TINAG: variants seen among roughly 807,000 people sequenced by gnomAD.
The protein encoded by TINAG is tubulointerstitial nephritis antigen.
TINAG carries 83 observed loss-of-function variants against 72.7 expected under a neutral mutation model. The ratio of observed to expected loss-of-function variants is 1.14; its 90% CI spans 0.96 to 1.37. The LOEUF is 1.37. Among genes scored for constraint, TINAG ranks in the 40% most tolerant of loss-of-function variants. The pLI is 0.00. For synonymous variants in TINAG, 234 were observed against 189.9 expected (o/e 1.23, Z -1.91); for missense variants, 685 against 576.6 (o/e 1.19, Z -1.93).
chr6:54,363,792 G>C (rs1247042583), intron 9 of TINAG, among the ~76,000 whole-genome samples: 3 of 151,380 alleles, frequency 2.0e-5, no homozygotes, highest in Non-Finnish European at 4.4e-5. Flanking sequence ...GAGTGGGAGA[G>C]GCCAGTGAGG....
intron 2 of TINAG, among the ~76,000 whole-genome samples, chr6:54,320,998 C>A (rs1338577608): frequency 1.3e-5 from 2 of 152,172 alleles, no homozygotes; most frequent in Non-Finnish European, 2.9e-5. Context: ...AAAGGACTAG[C>A]CTGCAGAAAG....
At chr6:54,361,048 T>C (rs1763220140) in intron 9 of TINAG, among the ~76,000 whole-genome samples, 1 of 151,104 alleles carries the variant, frequency 6.6e-6, no homozygotes, top group Non-Finnish European at 1.5e-5. Flanking sequence ...TTGGTGTTAT[T>C]ATAGTAATTA....
intron 7 of TINAG, 123 bp from the exon 8 acceptor site, chr6:54,351,229 T>C: frequency 1.4e-6 from 1 of 737,356 alleles, no homozygotes; most frequent in Non-Finnish European, 2.2e-6. Flanking sequence ...TGTAGCATAA[T>C]ATACGTGAGT....
chr6:54,371,425 A>G lies in TINAG; in HGVS notation c.1251-9101A>G, dbSNP rs1763603611. ...TCACTTTATACTTTCTTTAGTTTTT[A>G]AAATTCAAACGTTCTTTAACTTTTT... On this transcript the variant is annotated intron_variant, in intron 9 of 10. Coordinates refer to ENST00000259782, the MANE Select transcript of TINAG (RefSeq NM_014464.4). Among the ~76,000 whole-genome samples the G allele has an allele frequency of 1.3e-5, 2 of 152,018 alleles. 1 individual carries two copies. Among genetic ancestry groups the G allele is most frequent in the South Asian group, 4.1e-4 (2 of 4,826 alleles).
chr6:54,387,011 G>A (rs1454841469), intron 10 of TINAG, among the ~76,000 whole-genome samples: 1 of 152,092 alleles, frequency 6.6e-6, no homozygotes, highest in Non-Finnish European at 1.5e-5. Context: ...ATCTGGAAAG[G>A]TATCTGACAA....
chr6:54,319,893 C>T (rs3777650), intron 1 of TINAG, among the ~76,000 whole-genome samples: 7,259 of 152,022 alleles, frequency 0.048, 455 homozygotes, highest in East Asian at 0.3. Flanking sequence ...AATTTTTAAC[C>T]AGAGCACTAT....
At chr6:54,355,559 A>G (rs112401857) in intron 9 of TINAG, among the ~76,000 whole-genome samples, 32 of 152,036 alleles carry the variant, frequency 2.1e-4, no homozygotes, top group African/African-American at 7.5e-4. Flanking sequence ...TAATATTTCA[A>G]TTACAAAATT....
chr6:54,335,988 G>A (rs1360516418), intron 4 of TINAG, among the ~76,000 whole-genome samples: 1 of 151,968 alleles, frequency 6.6e-6, no homozygotes, highest in African/African-American at 2.4e-5. Flanking sequence ...ATTTTCCCTG[G>A]ATGGGAAAGA....
At chr6:54,370,376 C>T (rs943287123) in intron 9 of TINAG, among the ~76,000 whole-genome samples, 1 of 151,838 alleles carries the variant, frequency 6.6e-6, no homozygotes, top group Non-Finnish European at 1.5e-5. Flanking sequence ...TGTTGAATGA[C>T]TTCCAAAAAT....
At chr6:54,318,661 G>T (rs1027372599) in intron 1 of TINAG, among the ~76,000 whole-genome samples, 2 of 152,066 alleles carry the variant, frequency 1.3e-5, no homozygotes, top group African/African-American at 4.8e-5. Flanking sequence ...GATGGGAAAC[G>T]ACTTGAAGAT....
At chr6:54,330,407 T>A (rs965791736) in intron 4 of TINAG, among the ~76,000 whole-genome samples, 11 of 151,998 alleles carry the variant, frequency 7.2e-5, no homozygotes, top group Non-Finnish European at 1.2e-4. Flanking sequence ...TTGAAACAAA[T>A]GAGAACAAAG....
chr6:54,362,765 A>C (rs1763278199), intron 9 of TINAG, among the ~76,000 whole-genome samples: 1 of 151,534 alleles, frequency 6.6e-6, no homozygotes, highest in Non-Finnish European at 1.5e-5. Flanking sequence ...CATTAAGAAC[A>C]CTTGTGATTC....
chr6:54,345,819 T>C (rs1479946301), intron 5 of TINAG, among the ~76,000 whole-genome samples: 1 of 152,138 alleles, frequency 6.6e-6, no homozygotes. Context: ...TAATATGCTG[T>C]AGTTACATTA....
intron 4 of TINAG, among the ~76,000 whole-genome samples, chr6:54,333,612 A>G (rs954756423): frequency 6.6e-6 from 1 of 151,932 alleles, no homozygotes; most frequent in African/African-American, 2.4e-5. Flanking sequence ...AACTTGAAGT[A>G]TAATAAAAAA....
chr6:54,384,101 G>A (rs1764026650), intron 10 of TINAG, among the ~76,000 whole-genome samples: 1 of 152,104 alleles, frequency 6.6e-6, no homozygotes, highest in Non-Finnish European at 1.5e-5. Context: ...ACTAACACAG[G>A]AACAGAAAAC....
At chr6:54,357,224 C>A (rs1763081823) in intron 9 of TINAG, among the ~76,000 whole-genome samples, 1 of 151,946 alleles carries the variant, frequency 6.6e-6, no homozygotes, top group African/African-American at 2.4e-5. Context: ...TGCATTTTCC[C>A]CCCTGTACTT....
intron 10 of TINAG, among the ~76,000 whole-genome samples, chr6:54,388,731 C>T (rs58127782): frequency 0.011 from 1,715 of 152,064 alleles, 38 homozygotes; most frequent in African/African-American, 0.04. Context: ...CACACTTATT[C>T]GTTCAAGCTT....
chr6:54,346,405 A>G (rs1176766383), intron 5 of TINAG, among the ~76,000 whole-genome samples: 1 of 151,802 alleles, frequency 6.6e-6, no homozygotes, highest in Non-Finnish European at 1.5e-5. Flanking sequence ...TTAATAATAA[A>G]AAGTTTGTGT....
chr6:54,320,723 A>T (rs2150935518), intron 2 of TINAG, 81 bp downstream of exon 2: 1 of 1,156,324 alleles, frequency 8.6e-7, no homozygotes, highest in South Asian at 1.5e-5. Flanking sequence ...TTGTGAACCA[A>T]AGTATACATT....
Sources: gnomAD v4.1 joint callset for allele counts (sites outside exome capture counted in the v4.1 genomes callset) on GRCh38, gnomAD v4.1.1 for gene constraint, MANE v1.5 for transcripts, NCBI Gene and HGNC (gene_info 2026-07-23, HGNC 2026-07-21) for gene names.